CLASP2: variants seen among roughly 807,000 people sequenced by gnomAD.
The protein encoded by CLASP2 is CLIP-associating protein 2.
A neutral mutation model predicts 194.4 loss-of-function variants in CLASP2; 47 were observed. That is an observed-to-expected ratio of 0.24 (90% CI 0.19 to 0.31). CLASP2 has a LOEUF of 0.31. Among genes scored for constraint, CLASP2 ranks in the 10% least tolerant of loss-of-function variants. CLASP2 has a pLI of 1.00. For synonymous variants in CLASP2, 619 were observed against 633.5 expected, an observed-to-expected ratio of 0.98 and a Z score of 0.34; for missense variants, 1,445 against 1,823.6, an observed-to-expected ratio of 0.79 and a Z score of 3.78.
intron 37 of CLASP2, chr3:33,502,786 T>C (rs539317914): frequency 2.6e-5 from 4 of 152,338 alleles, no homozygotes; most frequent in African/African-American, 4.8e-5. Flanking sequence ...AAAATATCAA[T>C]AGATATCTAG....
intron 7 of CLASP2, among the ~76,000 whole-genome samples, chr3:33,650,233 A>AT (rs1353101496): frequency 6.6e-6 from 1 of 152,250 alleles, no homozygotes; most frequent in Non-Finnish European, 1.5e-5. Context: ...GTGGGCATGC[A>AT]TAACAGTAGC....
At chr3:33,643,413 T>G (rs1010182082) in intron 8 of CLASP2, among the ~76,000 whole-genome samples, 5 of 151,912 alleles carry the variant, frequency 3.3e-5, no homozygotes, top group African/African-American at 1.2e-4. Context: ...TGTCATATAC[T>G]TTTTACTAGC....
chr3:33,712,313 A>C (rs1223494325), intron 1 of CLASP2, among the ~76,000 whole-genome samples: 1 of 152,190 alleles, frequency 6.6e-6, no homozygotes, highest in Non-Finnish European at 1.5e-5. Context: ...ATAAGGAATC[A>C]AAGGCATAAG....
intron 12 of CLASP2, among the ~76,000 whole-genome samples, chr3:33,617,009 C>G (rs1000242559): frequency 6.6e-5 from 10 of 150,382 alleles, no homozygotes; most frequent in Middle Eastern, 3.4e-3. Context: ...AGATTACACA[C>G]GTAAGCCACC....
chr3:33,570,380 C>T (rs186911769), intron 26 of CLASP2, among the ~76,000 whole-genome samples: 5 of 151,950 alleles, frequency 3.3e-5, no homozygotes, highest in Admixed American at 1.3e-4. Flanking sequence ...TAATCACAGA[C>T]GAAAACAAAA....
chr3:33,528,814 GAA>G (rs2055344239), intron 34 of CLASP2, among the ~76,000 whole-genome samples: 1 of 151,852 alleles, frequency 6.6e-6, no homozygotes, highest in Admixed American at 6.6e-5. Context: ...AAGGAAGAAA[GAA>G]AGAGAGAAAG....
chr3:33,600,999 C>T (rs1023141395), intron 18 of CLASP2, among the ~76,000 whole-genome samples: 3 of 147,554 alleles, frequency 2.0e-5, no homozygotes, highest in Admixed American at 1.4e-4. Context: ...TGCTCCGTCC[C>T]TCAGGCTGGA....
chr3:33,500,899 A>T (rs1396310933), intron 38 of CLASP2, among the ~76,000 whole-genome samples: 2 of 152,186 alleles, frequency 1.3e-5, no homozygotes, highest in Admixed American at 1.3e-4. Context: ...CTTCTAATTC[A>T]AAACAATTAT....
At chr3:33,545,348 CTT>C (rs2058992243) in intron 30 of CLASP2, among the ~76,000 whole-genome samples, 1 of 152,148 alleles carries the variant, frequency 6.6e-6, no homozygotes, top group South Asian at 2.1e-4. Flanking sequence ...AAAAGACAAA[CTT>C]TGAAATTCAA....
chr3:33,622,207 A>G lies in CLASP2; in HGVS notation c.1109T>C (p.Leu370Ser). 4 of 1,605,424 alleles carry G rather than the reference A, an allele frequency of 2.5e-6. No individual in the cohort carries two copies. Among genetic ancestry groups the G allele is most frequent in the Non-Finnish European group, 1.7e-6 (2 of 1,175,888 alleles). ...AGCTGAAAGTTTAAGTGCTCCATCC[A>G]ACAATCGTAAATGTTGAAAAAAGCA... Reference protein sequence around the residue: ...YDCFFQHLRLLDGALKLSAKD... With the variant: ...YDCFFQHLRLSDGALKLSAKD... Residue 370 changes from leucine (L) to serine (S), a missense_variant, in exon 11 of 39, where the codon TTG becomes TCG. Physicochemically the swap from Leu to Ser is moderately radical, Grantham distance 145. This residue lies in a region of CLASP2 where 207 missense variants were observed against 331.4 expected (regional missense o/e 0.62). Transcript: ENST00000682230.
intron 20 of CLASP2, among the ~76,000 whole-genome samples, chr3:33,594,370 T>C: frequency 6.6e-6 from 1 of 152,128 alleles, no homozygotes; most frequent in Admixed American, 6.5e-5. Context: ...TGAATTACTT[T>C]CCTTTCTACA....
At chr3:33,529,010 G>A (rs995709007) in intron 34 of CLASP2, among the ~76,000 whole-genome samples, 9 of 152,028 alleles carry the variant, frequency 5.9e-5, no homozygotes, top group Non-Finnish European at 2.9e-5. Flanking sequence ...AAAATCACTA[G>A]CATTCCTATA....
At chr3:33,560,131 T>A (rs1438838855) in intron 28 of CLASP2, among the ~76,000 whole-genome samples, 3 of 152,176 alleles carry the variant, frequency 2.0e-5, no homozygotes, top group Non-Finnish European at 4.4e-5. Context: ...TGAAAAGAGA[T>A]TTAGAATATT....
chr3:33,648,020 G>A (rs1473740849), intron 7 of CLASP2, among the ~76,000 whole-genome samples: 4 of 147,446 alleles, frequency 2.7e-5, no homozygotes, highest in Admixed American at 7.0e-5. Context: ...GCAACAGAGC[G>A]AGATTCCGTC....
At chr3:33,657,589 T>A (rs573607121) in intron 7 of CLASP2, among the ~76,000 whole-genome samples, 1 of 144,290 alleles carries the variant, frequency 6.9e-6, no homozygotes, top group Non-Finnish European at 1.5e-5. Context: ...TTAGGTTTGG[T>A]TTTTTTTTTT....
chr3:33,673,085 C>T (rs965960144), intron 6 of CLASP2, among the ~76,000 whole-genome samples: 1 of 152,106 alleles, frequency 6.6e-6, no homozygotes, highest in African/African-American at 2.4e-5. Flanking sequence ...TCAGGAAATA[C>T]AGAGAACGCT....
chr3:33,548,763 CTTTT>C (rs57112524), intron 30 of CLASP2, among the ~76,000 whole-genome samples: 6 of 93,112 alleles, frequency 6.4e-5, no homozygotes, highest in South Asian at 3.8e-4. Context: ...GGTTTCATTT[CTTTT>C]TTTTTTTTTT....
intron 24 of CLASP2, among the ~76,000 whole-genome samples, chr3:33,575,342 A>G (rs1219096956): frequency 1.3e-5 from 2 of 152,322 alleles, no homozygotes; most frequent in South Asian, 2.1e-4. Flanking sequence ...TTTCAAATCT[A>G]TGTGGCAAAC....
At chr3:33,642,245 T>C (rs2081441950) in intron 8 of CLASP2, among the ~76,000 whole-genome samples, 1 of 151,912 alleles carries the variant, frequency 6.6e-6, no homozygotes. Context: ...CTGAAAGATA[T>C]ATATAAAAGA....
Sources: allele counts gnomAD v4.1 joint callset (sites outside exome capture counted in the v4.1 genomes callset), GRCh38; gene constraint gnomAD v4.1.1; regional missense constraint gnomAD v4.1.1; transcripts MANE v1.5; gene names NCBI Gene and HGNC (gene_info 2026-07-23, HGNC 2026-07-21).